CREM: variants seen among roughly 807,000 people sequenced by gnomAD.
The protein encoded by CREM is cAMP responsive element modulator, also known as cAMP-responsive element modulator.
In CREM, 13 loss-of-function variants were observed where a neutral mutation model predicts 37.3. The observed-to-expected ratio is 0.35, with a 90% CI of 0.23 to 0.55. CREM has a LOEUF of 0.55. Ranked by LOEUF, CREM falls within the 20% of genes least tolerant of loss-of-function variation. CREM has a pLI of 0.88. For missense variants in CREM, 296 were observed against 362.3 expected (o/e 0.82, Z 1.49); for synonymous variants, 124 against 120.2 (o/e 1.03, Z -0.21).
intron 1 of CREM, among the ~76,000 whole-genome samples, chr10:35,134,115 C>T (rs1378929133): frequency 3.4e-5 from 5 of 147,324 alleles, no homozygotes; most frequent in African/African-American, 7.6e-5. Flanking sequence ...GGTGCTATCT[C>T]GGCTCACTGC....
At chr10:35,164,390 A>G (rs957715150) in intron 3 of CREM, among the ~76,000 whole-genome samples, 2 of 152,244 alleles carry the variant, frequency 1.3e-5, no homozygotes, top group Non-Finnish European at 2.9e-5. Flanking sequence ...ACAAAAATCT[A>G]CAATGCTTAG....
At chr10:35,211,109 G>T in intron 7 of CREM, 145 bp from the exon 8 acceptor site, 1 of 694,426 alleles carries the variant, frequency 1.4e-6, no homozygotes, top group Admixed American at 3.4e-5. Flanking sequence ...AAAAGCATGT[G>T]CCTGGTTATG....
intron 6 of CREM, 143 bp from the exon 7 acceptor site, chr10:35,206,752 A>G (rs2095534709): frequency 3.8e-6 from 3 of 790,554 alleles, no homozygotes; most frequent in Non-Finnish European, 6.4e-6. Flanking sequence ...TGAGATTGCT[A>G]TAATGCTCAG....
intron 1 of CREM, among the ~76,000 whole-genome samples, chr10:35,129,844 G>C (rs1009311294): frequency 3.9e-5 from 6 of 152,128 alleles, no homozygotes; most frequent in Admixed American, 3.3e-4. Context: ...AGTCAGCTTT[G>C]AAAATAGTTA....
intron 3 of CREM, among the ~76,000 whole-genome samples, chr10:35,165,565 T>C (rs1383771579): frequency 6.6e-6 from 1 of 152,204 alleles, no homozygotes; most frequent in Non-Finnish European, 1.5e-5. Flanking sequence ...TGTGTATTTA[T>C]TATTTTGAAA....
chr10:35,142,252 T>G (rs1347591842), intron 2 of CREM, among the ~76,000 whole-genome samples: 1 of 152,132 alleles, frequency 6.6e-6, no homozygotes, highest in African/African-American at 2.4e-5. Flanking sequence ...TGTTTAAGTC[T>G]TTACAGGAAA....
intron 3 of CREM, among the ~76,000 whole-genome samples, chr10:35,153,262 T>TA (rs929014071): frequency 7.3e-5 from 11 of 151,156 alleles, no homozygotes; most frequent in East Asian, 1.9e-4. Flanking sequence ...TCAATAAAAT[T>TA]AAAAAAAAAG....
intron 3 of CREM, chr10:35,176,130 ATCTCT>A (rs2094060599): frequency 7.6e-7 from 1 of 1,313,760 alleles, no homozygotes; most frequent in Non-Finnish European, 1.0e-6. Flanking sequence ...ATTTGGAGGA[ATCTCT>A]TCTCCTTGCG....
intron 2 of CREM, 21 bp downstream of exon 2, chr10:35,137,900 C>G (rs746616476): frequency 3.2e-6 from 5 of 1,567,922 alleles, no homozygotes; most frequent in Non-Finnish European, 3.5e-6. Flanking sequence ...GTACGTTTTT[C>G]TGTTCTTTTG....
intron 6 of CREM, 51 bp downstream of exon 6, chr10:35,188,439 A>C: frequency 2.0e-6 from 3 of 1,474,866 alleles, no homozygotes; most frequent in Non-Finnish European, 2.7e-6. Flanking sequence ...TTACTATATC[A>C]CACCATTGAG....
At position 35,211,665 on chromosome 10, in the gene CREM, C is replaced by A. The variant is rs749072949; in HGVS notation, c.*267C>A. 4 of 1,610,760 alleles carry A rather than the reference C, an allele frequency of 2.5e-6. No homozygotes were observed. The African/African-American group carries it at 5.4e-5, about 22-fold the overall frequency. On this transcript the variant is annotated 3_prime_UTR_variant, in exon 8 of 8. Coordinates refer to ENST00000685392, the MANE Select transcript of CREM (RefSeq NM_183011.2). Reference sequence around the variant, plus strand: ...TTCTGCTTTTTTTCAGGGAAGCTGCCAAAGAATGTCGACGTCGAAAGAAAG... The same window carrying A: ...TTCTGCTTTTTTTCAGGGAAGCTGCAAAAGAATGTCGACGTCGAAAGAAAG...
intron 3 of CREM, among the ~76,000 whole-genome samples, chr10:35,172,108 CTT>C (rs1299761700): frequency 6.6e-6 from 1 of 150,798 alleles, no homozygotes; most frequent in East Asian, 2.0e-4. Flanking sequence ...ATGAAGTCTT[CTT>C]TTTGTGTTAA....
intron 6 of CREM, among the ~76,000 whole-genome samples, chr10:35,204,454 G>A (rs1453620432): frequency 6.6e-6 from 1 of 152,084 alleles, no homozygotes; most frequent in Non-Finnish European, 1.5e-5. Context: ...ACAAAAATTA[G>A]CTGGGCATGA....
chr10:35,179,251 A>G lies in CREM; in HGVS notation c.384A>G (p.Ile128Met), dbSNP rs1564895052. 3.1e-6 allele frequency: 5 copies of G among 1,614,140 alleles called. No homozygotes were observed. The highest frequency in any genetic ancestry group is 2.7e-5 in the African/African-American group (2 of 75,058). The part of the protein sequence containing the change: ...SIATMAVPTS[I>M]YQTSTGQYIA... Reference sequence around the variant, plus strand: ...CTACCATGGCAGTACCAACTAGCATATATCAGACTAGCACGGGGCAATACA... The same window carrying G: ...CTACCATGGCAGTACCAACTAGCATGTATCAGACTAGCACGGGGCAATACA... Residue 128 changes from isoleucine to methionine, a missense_variant, in exon 5 of 8, where the codon ATA becomes ATG. Ile to Met is a conservative substitution (Grantham distance 10). Transcript: ENST00000685392.
Position 35,148,450 on chromosome 10 carries a change from C to G in CREM, c.127C>G (p.Gln43Glu), listed in dbSNP as rs759370583. 1.9e-6 allele frequency: 3 copies of G among 1,613,300 alleles called. No individual in the cohort carries two copies. Among genetic ancestry groups the G allele is most frequent in the South Asian group, 2.2e-5 (2 of 90,910 alleles). The change falls in exon 3 of 8, where the codon CAG becomes GAG. Residue 43 changes from glutamine to glutamate, a missense_variant. Transcript: ENST00000685392. Reference protein sequence around the residue: ...SLTESKSAHVQTQTGQNSIPA... With the variant: ...SLTESKSAHVETQTGQNSIPA... ...GACAGAGAGCAAGTCTGCTCATGTGCAGACTCAGACTGGCCAAAATTCAAT... is the reference window on the plus strand; with the variant it reads ...GACAGAGAGCAAGTCTGCTCATGTGGAGACTCAGACTGGCCAAAATTCAAT...
intron 1 of CREM, among the ~76,000 whole-genome samples, chr10:35,128,872 A>G (rs530513537): frequency 9.2e-5 from 14 of 152,146 alleles, no homozygotes; most frequent in East Asian, 1.9e-4. Flanking sequence ...TTCCCTTCCT[A>G]AGTCATAGTA....
chr10:35,165,445 TC>T (rs1564853268), intron 3 of CREM, among the ~76,000 whole-genome samples: 1 of 152,204 alleles, frequency 6.6e-6, no homozygotes, highest in African/African-American at 2.4e-5. Flanking sequence ...CCAAACTGTA[TC>T]ACGTTTTGTC....
chr10:35,166,659 G>A (rs1439841020), intron 3 of CREM, among the ~76,000 whole-genome samples: 2 of 151,984 alleles, frequency 1.3e-5, no homozygotes, highest in Admixed American at 6.6e-5. Context: ...AGCCTGGAAG[G>A]TGGAGGTTGC....
In CREM at chr10:35,148,405, G is replaced by C; in HGVS notation, c.82G>C (p.Gly28Arg). ...TMETVESQHD[G>R]SITASLTESK... ...GGAAACAGTTGAATCCCAGCATGAT[G>C]GAAGTATAACAGCTTCTTTGACAGA... Residue 28 changes from glycine to arginine, a missense_variant, in exon 3 of 8, where the codon GGA becomes CGA. Around this residue, in one of 2 missense-constraint regions of CREM, gnomAD observed 257 missense variants for 280.2 expected, o/e 0.92. Coordinates refer to ENST00000685392, the MANE Select transcript of CREM (RefSeq NM_183011.2). The C allele has an allele frequency of 6.2e-7, 1 of 1,613,288 alleles. No individual in the cohort carries two copies. The highest frequency in any genetic ancestry group is 8.5e-7 in the Non-Finnish European group (1 of 1,179,656).
Sources: gnomAD v4.1 joint callset for allele counts (sites outside exome capture counted in the v4.1 genomes callset) on GRCh38, gnomAD v4.1.1 for gene constraint, gnomAD v4.1.1 regional missense constraint, MANE v1.5 for transcripts, NCBI Gene and HGNC (gene_info 2026-07-23, HGNC 2026-07-21) for gene names.